The following SNTG1 variants were observed in gnomAD, a reference collection of about 807,000 sequenced individuals.
SNTG1 encodes gamma-1-syntrophin.
Under a neutral mutation model 74.7 loss-of-function variants are expected in SNTG1, and 39 were observed. That is an observed-to-expected ratio of 0.52 (90% confidence interval 0.40 to 0.68). SNTG1 has a LOEUF of 0.68. SNTG1 is among the 30% of genes least tolerant of loss of function. The pLI is 0.00. For missense variants in SNTG1, 685 were observed against 609.5 expected, an observed-to-expected ratio of 1.12 and a Z score of -1.30; for synonymous variants, 254 against 217.1, an observed-to-expected ratio of 1.17 and a Z score of -1.49.
chr8:50,211,249 A>G (rs2084508087), intron 2 of SNTG1, among the ~76,000 whole-genome samples: 1 of 152,172 alleles, frequency 6.6e-6, no homozygotes, highest in African/African-American at 2.4e-5. Flanking sequence ...TCAAGAGTAT[A>G]TTAAAAGGTC....
intron 2 of SNTG1, among the ~76,000 whole-genome samples, chr8:50,315,789 T>G (rs2090294351): frequency 6.6e-6 from 1 of 152,180 alleles, no homozygotes; most frequent in African/African-American, 2.4e-5. Context: ...AAAGCTCTGC[T>G]ATTGTTATTC....
intron 1 of SNTG1, among the ~76,000 whole-genome samples, chr8:49,970,676 C>T (rs1045274754): frequency 2.6e-5 from 4 of 152,164 alleles, no homozygotes; most frequent in Non-Finnish European, 4.4e-5. Flanking sequence ...AGCTCTAATT[C>T]GCATGTCTCT....
At chr8:50,523,186 T>C (rs1298433857) in intron 9 of SNTG1, among the ~76,000 whole-genome samples, 1 of 152,182 alleles carries the variant, frequency 6.6e-6, no homozygotes, top group African/African-American at 2.4e-5. Flanking sequence ...GGATTAAGAT[T>C]TGGCTTAAGG....
At chr8:50,183,073 TC>T (rs2083263808) in intron 2 of SNTG1, among the ~76,000 whole-genome samples, 1 of 152,132 alleles carries the variant, frequency 6.6e-6, no homozygotes, top group Non-Finnish European at 1.5e-5. Flanking sequence ...TCTGACCCAT[TC>T]TGTTACCTTG....
At chr8:50,567,513 T>TACATAC (rs1287933892) in intron 12 of SNTG1, among the ~76,000 whole-genome samples, 1 of 152,094 alleles carries the variant, frequency 6.6e-6, no homozygotes, top group African/African-American at 2.4e-5. Context: ...AATATACATA[T>TACATAC]ACATACACAT....
At chr8:50,668,453 C>T (rs1232996084) in intron 15 of SNTG1, among the ~76,000 whole-genome samples, 1 of 150,748 alleles carries the variant, frequency 6.6e-6, no homozygotes, top group Non-Finnish European at 1.5e-5. Flanking sequence ...ATTCTTTTAG[C>T]TAGATCTTGT....
chr8:50,023,965 G>A (rs1186416715), intron 1 of SNTG1, among the ~76,000 whole-genome samples: 1 of 151,950 alleles, frequency 6.6e-6, no homozygotes, highest in African/African-American at 2.4e-5. Context: ...TCAGGCTCTG[G>A]GCCCAGAATC....
At chr8:50,732,037 G>A (rs1370544235) in intron 17 of SNTG1, among the ~76,000 whole-genome samples, 1 of 151,826 alleles carries the variant, frequency 6.6e-6, no homozygotes, top group Admixed American at 6.6e-5. Flanking sequence ...CATCTTTGGG[G>A]TATCCTACTG....
At chr8:50,189,273 T>C (rs955200540) in intron 2 of SNTG1, among the ~76,000 whole-genome samples, 5 of 152,146 alleles carry the variant, frequency 3.3e-5, no homozygotes, top group Non-Finnish European at 7.3e-5. Context: ...TCCTATGTCA[T>C]TGTTTATTTT....
intron 15 of SNTG1, among the ~76,000 whole-genome samples, chr8:50,677,703 G>A (rs984983861): frequency 6.6e-6 from 1 of 151,940 alleles, no homozygotes; most frequent in South Asian, 2.1e-4. Context: ...TTTAATGTCA[G>A]AAGAAGCCCA....
At chr8:50,048,374 A>G (rs1586045697) in intron 1 of SNTG1, among the ~76,000 whole-genome samples, 1 of 152,324 alleles carries the variant, frequency 6.6e-6, no homozygotes, top group East Asian at 1.9e-4. Flanking sequence ...ACTTGTCTTT[A>G]CATTTACTGC....
chr8:50,769,967 A>C (rs1157460932), intron 18 of SNTG1, among the ~76,000 whole-genome samples: 1 of 152,128 alleles, frequency 6.6e-6, no homozygotes, highest in African/African-American at 2.4e-5. Context: ...CTCAGTAATG[A>C]GGATCAGGAG....
At chr8:50,735,913 A>AC (rs2095527371) in intron 17 of SNTG1, among the ~76,000 whole-genome samples, 4 of 152,126 alleles carry the variant, frequency 2.6e-5, no homozygotes, top group Non-Finnish European at 5.9e-5. Flanking sequence ...TCAGACTAAC[A>AC]GTGGATCTCT....
chr8:50,018,992 TAAAATAATATCCTAGCA>T (rs1045226737), intron 1 of SNTG1, among the ~76,000 whole-genome samples: 5 of 151,928 alleles, frequency 3.3e-5, no homozygotes, highest in Non-Finnish European at 7.4e-5. Flanking sequence ...CCAAGGGAAA[TAAAATAATATCCTAGCA>T]AAAATAGAGA....
Position 50,080,162 on chromosome 8 carries a change from A to G in SNTG1, c.-102-92399A>G, listed in dbSNP as rs527709361. 1.4e-4 allele frequency among the ~76,000 whole-genome samples: 22 copies of G among 152,262 alleles called. No homozygotes were observed. In the East Asian group the frequency reaches 3.7e-3, roughly 25 times the overall value. On this transcript the variant is annotated intron_variant, in intron 1 of 18. Coordinates refer to ENST00000642720, the MANE Select transcript of SNTG1 (RefSeq NM_018967.5). Reference sequence around the variant, plus strand: ...ATTATAAAAGTTTTATTGTGGTTCCATACTATTTTCTATGTTTTTATGATA... The same window carrying G: ...ATTATAAAAGTTTTATTGTGGTTCCGTACTATTTTCTATGTTTTTATGATA...
intron 1 of SNTG1, among the ~76,000 whole-genome samples, chr8:50,036,541 T>C (rs1188584008): frequency 6.6e-6 from 1 of 152,146 alleles, no homozygotes; most frequent in Non-Finnish European, 1.5e-5. Context: ...ATCCCAGCTG[T>C]TTTCTTGTTC....
chr8:50,568,700 T>G (rs1353682544), intron 12 of SNTG1, among the ~76,000 whole-genome samples: 1 of 152,172 alleles, frequency 6.6e-6, no homozygotes, highest in Non-Finnish European at 1.5e-5. Context: ...TTGAGTTATG[T>G]TCCTTGAATA....
intron 2 of SNTG1, among the ~76,000 whole-genome samples, chr8:50,379,689 T>C (rs1019498904): frequency 6.6e-6 from 1 of 152,222 alleles, no homozygotes; most frequent in African/African-American, 2.4e-5. Flanking sequence ...TAAAAGTGCA[T>C]AAAACATCTC....
intron 2 of SNTG1, among the ~76,000 whole-genome samples, chr8:50,388,038 G>C (rs922598075): frequency 2.6e-5 from 4 of 152,126 alleles, no homozygotes; most frequent in Non-Finnish European, 5.9e-5. Context: ...CTAAGCTGGG[G>C]TTTAATTTGT....
Sources: gnomAD v4.1 joint callset for allele counts (sites outside exome capture counted in the v4.1 genomes callset) on GRCh38, gnomAD v4.1.1 for gene constraint, MANE v1.5 for transcripts, NCBI Gene and HGNC (gene_info 2026-07-23, HGNC 2026-07-21) for gene names.